Variants in MGMT observed in about 807,000 individuals in gnomAD.
MGMT encodes the protein methylated-DNA--protein-cysteine methyltransferase.
Under a neutral mutation model 15.9 loss-of-function variants are expected in MGMT, and 14 were observed. That is an observed-to-expected ratio of 0.88 (90% CI 0.58 to 1.37). The LOEUF is 1.37. Among genes scored for constraint, MGMT ranks in the 40% most tolerant of loss-of-function variants. The pLI, the probability that MGMT is intolerant of heterozygous loss-of-function variation, is 0.00. For missense variants in MGMT, 282 were observed against 268.1 expected (o/e 1.05, Z -0.36); for synonymous variants, 130 against 118.2 (o/e 1.10, Z -0.65).
At chr10:129,525,827 G>A (rs961327993) in intron 1 of MGMT, among the ~76,000 whole-genome samples, 8 of 152,086 alleles carry the variant, frequency 5.3e-5, no homozygotes, top group Non-Finnish European at 7.4e-5. Context: ...GCGTGTAGCC[G>A]GGTTCACAGA....
chr10:129,592,059 A>G (rs1395049103), intron 2 of MGMT, among the ~76,000 whole-genome samples: 1 of 152,238 alleles, frequency 6.6e-6, no homozygotes, highest in Non-Finnish European at 1.5e-5. Context: ...TGCGTAAAGC[A>G]CTTCTGCCAT....
At chr10:129,541,977 C>T (rs539846988) in intron 2 of MGMT, among the ~76,000 whole-genome samples, 41 of 152,286 alleles carry the variant, frequency 2.7e-4, no homozygotes, top group African/African-American at 9.6e-4. Flanking sequence ...GGCCTTCAGT[C>T]ACCAGCTAGG....
chr10:129,730,971 G>T (rs374354655), intron 3 of MGMT, among the ~76,000 whole-genome samples: 3 of 152,210 alleles, frequency 2.0e-5, no homozygotes, highest in Non-Finnish European at 4.4e-5. Context: ...TTGGGAAAGT[G>T]AGTATAAATA....
chr10:129,639,509 A>T (rs1466189410), intron 2 of MGMT, among the ~76,000 whole-genome samples: 1 of 152,228 alleles, frequency 6.6e-6, no homozygotes, highest in Non-Finnish European at 1.5e-5. Flanking sequence ...TACTAACTTG[A>T]TGTAATTAAC....
chr10:129,631,935 C>A (rs1458461962), intron 2 of MGMT, among the ~76,000 whole-genome samples: 1 of 152,174 alleles, frequency 6.6e-6, no homozygotes, highest in African/African-American at 2.4e-5. Context: ...CAGGGGCTCC[C>A]TATGTTGCCC....
At position 129,537,764 on chromosome 10, in the gene MGMT, G is replaced by A. The variant is rs567937181; in HGVS notation, c.125+1387G>A. On this transcript the variant is annotated intron_variant, in intron 2 of 4. Transcript: ENST00000651593. ...ATCAGGTTCAGGTGTAAAAACAGCCGTGAAATAATGCTAAATCCTGAATAG... is the reference window on the plus strand; with the variant it reads ...ATCAGGTTCAGGTGTAAAAACAGCCATGAAATAATGCTAAATCCTGAATAG... Among the ~76,000 whole-genome samples the A allele has an allele frequency of 9.8e-5, 15 of 152,300 alleles. No homozygotes were observed. The East Asian group carries it at 1.2e-3, about 12-fold the overall frequency.
chr10:129,700,632 A>AT (rs1204803812), intron 2 of MGMT: 1 of 152,222 alleles, frequency 6.6e-6, no homozygotes, highest in African/African-American at 2.4e-5. Flanking sequence ...TCAGTAAATG[A>AT]TTGAATGAAA....
At chr10:129,576,647 A>C (rs1229799932) in intron 2 of MGMT, among the ~76,000 whole-genome samples, 1 of 152,206 alleles carries the variant, frequency 6.6e-6, no homozygotes, top group African/African-American at 2.4e-5. Flanking sequence ...GCCCTCTTTC[A>C]CCACTCCTAT....
intron 2 of MGMT, among the ~76,000 whole-genome samples, chr10:129,690,540 C>T (rs890215715): frequency 1.3e-5 from 2 of 152,190 alleles, no homozygotes; most frequent in African/African-American, 4.8e-5. Flanking sequence ...TTGGAGGTGC[C>T]ATATGCTGCT....
intron 2 of MGMT, among the ~76,000 whole-genome samples, chr10:129,568,292 CAG>C (rs1846378113): frequency 1.3e-5 from 2 of 152,278 alleles, no homozygotes; most frequent in South Asian, 4.1e-4. Context: ...GCTGTCCTGA[CAG>C]GGGAGCAGGT....
chr10:129,543,407 C>A (rs1846066179), intron 2 of MGMT, among the ~76,000 whole-genome samples: 4 of 152,094 alleles, frequency 2.6e-5, no homozygotes, highest in Non-Finnish European at 5.9e-5. Context: ...GCGGAGAATC[C>A]CAGGCTGTGG....
chr10:129,698,125 G>A (rs1848053254), intron 2 of MGMT, among the ~76,000 whole-genome samples: 1 of 152,196 alleles, frequency 6.6e-6, no homozygotes, highest in Non-Finnish European at 1.5e-5. Context: ...GGCAGGGCAA[G>A]CCAGGACAGA....
At chr10:129,615,845 T>G (rs73386994) in intron 2 of MGMT, among the ~76,000 whole-genome samples, 5,152 of 151,952 alleles carry the variant, frequency 0.034, 222 homozygotes, top group African/African-American at 0.098. Context: ...AGGGTCCAGG[T>G]ATAAGAAGAG....
chr10:129,634,641 C>T (rs1847245959), intron 2 of MGMT, among the ~76,000 whole-genome samples: 1 of 151,498 alleles, frequency 6.6e-6, no homozygotes, highest in Non-Finnish European at 1.5e-5. Flanking sequence ...TGTATTTTTC[C>T]ATTGTAGGTT....
intron 2 of MGMT, among the ~76,000 whole-genome samples, chr10:129,578,470 G>A (rs1846513694): frequency 2.0e-5 from 3 of 151,822 alleles, no homozygotes; most frequent in South Asian, 2.1e-4. Context: ...ACTCATAGGT[G>A]GGAATTGAAC....
At chr10:129,712,492 CAGAA>C (rs1242349090) in intron 3 of MGMT, among the ~76,000 whole-genome samples, 1 of 152,156 alleles carries the variant, frequency 6.6e-6, no homozygotes, top group Non-Finnish European at 1.5e-5. Flanking sequence ...TATAGAGCCT[CAGAA>C]AGGATTCATA....
chr10:129,537,221 A>C (rs1012530302), intron 2 of MGMT: 1 of 152,204 alleles, frequency 6.6e-6, no homozygotes, highest in African/African-American at 2.4e-5. Context: ...AATGCCAAGA[A>C]CATTAGATAA....
intron 2 of MGMT, among the ~76,000 whole-genome samples, chr10:129,614,263 T>TC (rs1402228184): frequency 1.3e-5 from 2 of 152,312 alleles, no homozygotes; most frequent in Admixed American, 1.3e-4. Flanking sequence ...GGTCCTTCCT[T>TC]CCTCAGGCTG....
At chr10:129,737,391 G>GT (rs1178114379) in intron 3 of MGMT, among the ~76,000 whole-genome samples, 1 of 152,052 alleles carries the variant, frequency 6.6e-6, no homozygotes, top group Non-Finnish European at 1.5e-5. Flanking sequence ...TCGAGCCTTG[G>GT]TTTTCAGCTC....
Sources: allele counts gnomAD v4.1 joint callset (sites outside exome capture counted in the v4.1 genomes callset), GRCh38; gene constraint gnomAD v4.1.1; transcripts MANE v1.5; gene names NCBI Gene and HGNC (gene_info 2026-07-23, HGNC 2026-07-21).